Variants in CCDC30 observed in about 807,000 individuals in gnomAD.
The protein encoded by CCDC30 is coiled-coil domain-containing protein 30.
Under a neutral mutation model 100.2 loss-of-function variants are expected in CCDC30, and 70 were observed. The observed-to-expected ratio is 0.70, with a 90% CI of 0.58 to 0.85. The LOEUF is 0.85. Ranked by LOEUF, CCDC30 falls within the 40% of genes least tolerant of loss-of-function variation. The pLI is 0.00. For synonymous variants in CCDC30, 233 were observed against 269.5 expected (o/e 0.86, Z 1.33); for missense variants, 652 against 771.2 (o/e 0.85, Z 1.83).
At chr1:42,630,381 CT>C (rs957485710) in intron 11 of CCDC30, among the ~76,000 whole-genome samples, 70 of 149,244 alleles carry the variant, frequency 4.7e-4, no homozygotes, top group African/African-American at 1.7e-3. Context: ...TTTTCTTTTT[CT>C]TTTTTTCTTT....
chr1:42,456,574 A>G, the CCDC30 span: 1 of 1,483,984 alleles, frequency 6.7e-7, no homozygotes. Context: ...AGATGGCGGA[A>G]ATGGATCCGG....
intron 1 of CCDC30, among the ~76,000 whole-genome samples, chr1:42,468,422 C>A (rs1404380852): frequency 1.3e-5 from 2 of 151,778 alleles, no homozygotes; most frequent in East Asian, 3.8e-4. Context: ...CATCACATTC[C>A]TTAAGGACAG....
chr1:42,558,004 A>G lies in CCDC30; in HGVS notation c.457-8292A>G, dbSNP rs866495416. 6 of 169,074 alleles carry G rather than the reference A, an allele frequency of 3.5e-5. No homozygotes were observed. The Middle Eastern group carries it at 2.7e-3, about 77-fold the overall frequency. The allele number at this position is 169,074 out of a possible 1,614,324, so 10.5% of individuals were successfully genotyped here. A position where few individuals can be genotyped will look rare whatever the true frequency, so the allele number is the denominator to read the frequency against. ...TTCCTAGTAACCTGATTGAGTGTTT[A>G]TGCTCTGCAGTAACTTTCTACCAGG... On this transcript the variant is annotated intron_variant, in intron 6 of 16. Coordinates refer to ENST00000668663, the Ensembl canonical transcript of CCDC30.
rs193289226 is a variant in CCDC30, at chr1:42,615,271, A to C, written c.1277+4181A>C. Among the ~76,000 whole-genome samples, 125 of 152,202 alleles carry C rather than the reference A, an allele frequency of 8.2e-4. 3 individuals carry two copies. Among genetic ancestry groups the C allele is most frequent in the African/African-American group, 2.6e-3 (108 of 41,522 alleles). The stretch of plus-strand genomic sequence containing the variant: ...ACTGGTTGCTGGAATTTGTGTCTGA[A>C]AAACATCTTAAGCAACTCCTTTGGT... On this transcript the variant is annotated intron_variant, in intron 11 of 16. Coordinates refer to ENST00000668663, the Ensembl canonical transcript of CCDC30.
chr1:42,525,426 T>C (rs142336456), intron 6 of CCDC30, among the ~76,000 whole-genome samples: 9 of 152,310 alleles, frequency 5.9e-5, no homozygotes, highest in African/African-American at 2.2e-4. Flanking sequence ...TCCCATCCCA[T>C]GAATCACTCA....
intron 11 of CCDC30, among the ~76,000 whole-genome samples, chr1:42,631,259 T>C (rs544220534): frequency 6.6e-6 from 1 of 152,354 alleles, no homozygotes; most frequent in African/African-American, 2.4e-5. Context: ...CTGGATGAAT[T>C]CCCTGGATTA....
chr1:42,632,651 T>C (rs1647061607), intron 11 of CCDC30, among the ~76,000 whole-genome samples: 1 of 151,446 alleles, frequency 6.6e-6, no homozygotes, highest in African/African-American at 2.4e-5. Flanking sequence ...TCCCAGCTAC[T>C]TGGGAGGCTG....
intron 1 of CCDC30, chr1:42,473,089 G>A (rs943655292): frequency 2.5e-6 from 3 of 1,221,822 alleles, no homozygotes; most frequent in South Asian, 4.3e-5. Context: ...GTGTGTGTGT[G>A]TTCATATACA....
intron 4 of CCDC30, chr1:42,491,777 C>A: frequency 3.4e-6 from 1 of 296,144 alleles, no homozygotes. Context: ...TGAAAGGTGG[C>A]AAAAAGGGAG....
chr1:42,632,140 G>A (rs938355967), intron 11 of CCDC30, among the ~76,000 whole-genome samples: 1 of 152,152 alleles, frequency 6.6e-6, no homozygotes, highest in African/African-American at 2.4e-5. Flanking sequence ...TAGTATCTGA[G>A]TATCGCTGCT....
At chr1:42,510,306 G>C (rs890436470) in intron 6 of CCDC30, among the ~76,000 whole-genome samples, 4 of 152,162 alleles carry the variant, frequency 2.6e-5, no homozygotes, top group Admixed American at 6.5e-5. Context: ...TTTCAACCTT[G>C]GTTAGGGTTT....
chr1:42,496,119 T>C (rs565808949), intron 4 of CCDC30, among the ~76,000 whole-genome samples: 11 of 84,550 alleles, frequency 1.3e-4, no homozygotes, highest in African/African-American at 4.5e-4. Context: ...TTTTTATTTG[T>C]GGAGTGTGTG....
intron 6 of CCDC30, among the ~76,000 whole-genome samples, chr1:42,516,339 G>A (rs986552324): frequency 3.3e-5 from 5 of 151,946 alleles, no homozygotes; most frequent in Non-Finnish European, 7.4e-5. Context: ...ATTGGGAGGT[G>A]GTACCGAGTG....
At chr1:42,492,022 A>G in intron 4 of CCDC30, 4 of 541,676 alleles carry the variant, frequency 7.4e-6, no homozygotes, top group Admixed American at 2.6e-5. Context: ...CAGGAAAAAA[A>G]CTAACTTCCA....
At chr1:42,607,115 G>A (rs1220662207) in intron 10 of CCDC30, among the ~76,000 whole-genome samples, 1 of 152,140 alleles carries the variant, frequency 6.6e-6, no homozygotes, top group Non-Finnish European at 1.5e-5. Flanking sequence ...TAAAGTTGGA[G>A]AATTTAAAGC....
chr1:42,482,651 G>C lies in CCDC30; in HGVS notation c.16-12G>C, dbSNP rs1643981518. On this transcript the variant is annotated splice_polypyrimidine_tract_variant and intron_variant, in intron 2 of 16. Transcript: ENST00000668663. ...GCTCTTTGTTTTATTACTAATAGAA[G>C]TTTTATTTCAGTATCATAATGAAGA... 2 of 1,230,750 alleles carry C rather than the reference G, an allele frequency of 1.6e-6. No homozygotes were observed. The highest frequency in any genetic ancestry group is 8.2e-5 in the South Asian group (2 of 24,354). 76.2% of individuals were successfully genotyped at this position (1,230,750 alleles called of 1,614,324 possible). A position where few individuals can be genotyped will look rare whatever the true frequency, so the allele number is the denominator to read the frequency against.
intron 1 of CCDC30, among the ~76,000 whole-genome samples, chr1:42,476,080 G>A (rs1036699325): frequency 1.3e-5 from 2 of 152,194 alleles, no homozygotes; most frequent in African/African-American, 4.8e-5. Flanking sequence ...ATATGGAAAG[G>A]CTGAAAAGAT....
At chr1:42,532,576 G>A (rs900657460) in intron 6 of CCDC30, among the ~76,000 whole-genome samples, 1 of 152,160 alleles carries the variant, frequency 6.6e-6, no homozygotes, top group Non-Finnish European at 1.5e-5. Context: ...TGTTCTAGGT[G>A]TCTAACAAAC....
chr1:42,615,441 G>A (rs1420858505), intron 11 of CCDC30, among the ~76,000 whole-genome samples: 1 of 152,086 alleles, frequency 6.6e-6, no homozygotes, highest in African/African-American at 2.4e-5. Flanking sequence ...GGGATTACAG[G>A]CGCACGCCAC....
Sources: gnomAD v4.1 joint callset for allele counts (sites outside exome capture counted in the v4.1 genomes callset) on GRCh38, gnomAD v4.1.1 for gene constraint, MANE v1.5 for transcripts, NCBI Gene and HGNC (gene_info 2026-07-23, HGNC 2026-07-21) for gene names.